The following PPP2R3B variants were observed in gnomAD, a reference collection of about 807,000 sequenced individuals.
The protein encoded by PPP2R3B is protein phosphatase 2 regulatory subunit B''beta.
PPP2R3B carries 68 observed loss-of-function variants against 72.9 expected under a neutral mutation model. That is an observed-to-expected ratio of 0.93 (90% confidence interval 0.77 to 1.14). The LOEUF (loss-of-function observed/expected upper bound fraction) is 1.14. Ranked by LOEUF, PPP2R3B falls within the 50% of genes most tolerant of loss-of-function variation. The pLI is 0.00. For missense variants in PPP2R3B, 1,018 were observed against 842.0 expected, an observed-to-expected ratio of 1.21 and a Z score of -2.59; for synonymous variants, 466 against 375.8, an observed-to-expected ratio of 1.24 and a Z score of -2.78.
At position 363,963 on chromosome X, in the gene PPP2R3B, C is replaced by G. The variant is rs148309747; in HGVS notation, c.325-2373G>C. 1.1e-3 allele frequency among the ~76,000 whole-genome samples: 162 copies of G among 152,390 alleles called. 1 individual carries two copies. Among genetic ancestry groups the G allele is most frequent in the Middle Eastern group, 0.01 (3 of 294 alleles). On this transcript the variant is annotated intron_variant, in intron 1 of 12. Coordinates refer to ENST00000390665, the MANE Select transcript of PPP2R3B (RefSeq NM_013239.5). ...CAAGAACCCTGGACAGAATAGTTGA[C>G]AAACGTCTTCTAGACGGCGCCCACA...
chrX:351,377 G>A (rs1027152837), intron 2 of PPP2R3B, among the ~76,000 whole-genome samples: 5 of 152,194 alleles, frequency 3.3e-5, no homozygotes, highest in East Asian at 1.9e-4. Context: ...ATGGGGGGAT[G>A]TGTGAGCCTT....
chrX:344,724 C>T (rs2071159640), intron 7 of PPP2R3B, among the ~76,000 whole-genome samples: 1 of 152,208 alleles, frequency 6.6e-6, no homozygotes, highest in African/African-American at 2.4e-5. Flanking sequence ...CTGAACTGAG[C>T]GCAGGACAAA....
intron 1 of PPP2R3B, among the ~76,000 whole-genome samples, chrX:372,420 G>A (rs1436476256): frequency 6.6e-6 from 1 of 152,214 alleles, no homozygotes; most frequent in Non-Finnish European, 1.5e-5. Context: ...TCCTGGAACT[G>A]AGTTTGAAAA....
At position 361,811 on chromosome X, in the gene PPP2R3B, C is replaced by G. The variant is rs147022362; in HGVS notation, c.325-221G>C. The stretch of plus-strand genomic sequence containing the variant: ...ACACCATGCTGCCATGGACCCCACT[C>G]TGGGTGGCGGCTCTGCGCCACTGAG... On this transcript the variant is annotated intron_variant, in intron 1 of 12. Coordinates refer to ENST00000390665, the MANE Select transcript of PPP2R3B (RefSeq NM_013239.5). 6.9e-3 allele frequency among the ~76,000 whole-genome samples: 1,051 copies of G among 152,308 alleles called. 9 individuals carry two copies. The highest frequency in any genetic ancestry group is 0.024 in the African/African-American group (1,005 of 41,570).
At chrX:382,996 T>C (rs973421091) in intron 1 of PPP2R3B, among the ~76,000 whole-genome samples, 7 of 152,086 alleles carry the variant, frequency 4.6e-5, no homozygotes, top group Non-Finnish European at 1.0e-4. Flanking sequence ...GGGCAAGAGT[T>C]CCTAAGGTGC....
chrX:342,187 G>C (rs2071094605), intron 7 of PPP2R3B: 1 of 601,090 alleles, frequency 1.7e-6, no homozygotes, highest in Non-Finnish European at 3.0e-6. Flanking sequence ...GACTTGTAAA[G>C]AGCAGAATAT....
Position 340,823 on chromosome X carries a change from G to A in PPP2R3B, c.1293C>T (p.Ala431=). The change falls in exon 10 of 13, where the codon GCC becomes GCT. Residue 431 remains alanine, a synonymous_variant. Transcript: ENST00000390665. ...CRRLDSMAIE[A]LPFQDCLCQM... is the part of the protein sequence containing the mutation. ...GGCAGAGGCAGTCCTGGAAGGGCAG[G>A]GCCTCGATGGCCATGCTGTCCAGCC... 2 of 1,611,676 alleles carry A rather than the reference G, an allele frequency of 1.2e-6. No individual in the cohort carries two copies. Among genetic ancestry groups the A allele is most frequent in the South Asian group, 1.1e-5 (1 of 91,042 alleles).
In PPP2R3B at chrX:383,069, G is replaced by A. The variant is rs184978249; in HGVS notation, c.324+3299C>T. Among the ~76,000 whole-genome samples the A allele has an allele frequency of 2.0e-5, 3 of 152,282 alleles. No individual in the cohort carries two copies. The East Asian group carries it at 5.8e-4, about 29-fold the overall frequency. On this transcript the variant is annotated intron_variant, in intron 1 of 12. Coordinates refer to ENST00000390665, the MANE Select transcript of PPP2R3B (RefSeq NM_013239.5). Reference sequence around the variant, plus strand: ...CGGAGCTCAAGAGATGCGTCCTGGGGCCCTGAGTCCCCTCCTGGATCGGGA... The same window carrying A: ...CGGAGCTCAAGAGATGCGTCCTGGGACCCTGAGTCCCCTCCTGGATCGGGA...
intron 1 of PPP2R3B, among the ~76,000 whole-genome samples, chrX:384,282 C>CTATATATA (rs57842842): frequency 3.6e-5 from 5 of 140,054 alleles, no homozygotes; most frequent in Non-Finnish European, 6.1e-5. Context: ...CTCTCTCTCT[C>CTATATATA]TATATATATA....
intron 2 of PPP2R3B, among the ~76,000 whole-genome samples, chrX:358,516 A>G (rs1487881333): frequency 6.6e-6 from 1 of 152,216 alleles, no homozygotes; most frequent in African/African-American, 2.4e-5. Flanking sequence ...CTTCAGTCTC[A>G]GAGCTCTCCC....
chrX:356,553 A>G (rs1391990238), intron 2 of PPP2R3B, among the ~76,000 whole-genome samples: 1 of 152,176 alleles, frequency 6.6e-6, no homozygotes, highest in Non-Finnish European at 1.5e-5. Flanking sequence ...AAAACTAAAC[A>G]TGTGGCCACC....
chrX:346,362 C>A (rs1479759196), intron 5 of PPP2R3B, 102 bp from the exon 6 acceptor site: 5 of 1,134,190 alleles, frequency 4.4e-6, no homozygotes, highest in Non-Finnish European at 6.3e-6. Flanking sequence ...TTGGTCTCAG[C>A]CGCACGGGGC....
In PPP2R3B at chrX:386,484, C is replaced by A; in HGVS notation, c.208G>T (p.Gly70Trp). Residue 70 changes from glycine (G) to tryptophan (W), a missense_variant, in exon 1 of 13, where the codon GGG (glycine) becomes TGG (tryptophan). Coordinates refer to ENST00000390665, the MANE Select transcript of PPP2R3B (RefSeq NM_013239.5). ...TAPLAAPRPS[G>W]LEPPGTPGPG... ...CCGGGGGTTCCCGGGGGTTCGAGCC[C>A]GCTGGGCCGGGGGGCGGCGAGCGGG... is the stretch of plus-strand genomic sequence containing the variant. 1 of 1,281,848 alleles carries A rather than the reference C, an allele frequency of 7.8e-7. No homozygotes were observed. The allele number at this position is 1,281,848 out of a possible 1,614,324, so 79.4% of individuals were successfully genotyped here.
chrX:361,348 C>A, intron 2 of PPP2R3B, 57 bp downstream of exon 2: 1 of 1,596,956 alleles, frequency 6.3e-7, no homozygotes, highest in African/African-American at 1.3e-5. Context: ...CTCCGCCTCA[C>A]CCTCACATGC....
intron 12 of PPP2R3B, chrX:338,269 G>A (rs757448424): frequency 4.2e-6 from 2 of 481,182 alleles, no homozygotes; most frequent in South Asian, 2.3e-5. Context: ...CTGCCCAGCA[G>A]GTGCCAGCCG....
chrX:336,749 C>T (rs1263177436), intron 12 of PPP2R3B: 1 of 152,198 alleles, frequency 6.6e-6, no homozygotes, highest in African/African-American at 2.4e-5. Flanking sequence ...AAACGGGAAC[C>T]TTAAAAGCAC....
chrX:355,933 C>T (rs1212004423), intron 2 of PPP2R3B, among the ~76,000 whole-genome samples: 2 of 152,142 alleles, frequency 1.3e-5, no homozygotes, highest in African/African-American at 2.4e-5. Flanking sequence ...TGGGTACAGA[C>T]GTCAAAGCTC....
chrX:384,298 ACT>A (rs2072196830), intron 1 of PPP2R3B, among the ~76,000 whole-genome samples: 2 of 142,626 alleles, frequency 1.4e-5, no homozygotes, highest in African/African-American at 5.6e-5. Flanking sequence ...ATATATATAT[ACT>A]TTTTTTTTTT....
intron 8 of PPP2R3B, 75 bp from the exon 9 acceptor site, chrX:341,471 C>A: frequency 6.6e-7 from 1 of 1,507,638 alleles, no homozygotes; most frequent in Non-Finnish European, 9.2e-7. Context: ...CCCCTGTCCA[C>A]GCGCCTCGGT....
Sources: allele counts gnomAD v4.1 joint callset (sites outside exome capture counted in the v4.1 genomes callset), GRCh38; gene constraint gnomAD v4.1.1; transcripts MANE v1.5; gene names NCBI Gene and HGNC (gene_info 2026-07-23, HGNC 2026-07-21).